Variants in KCNS3 observed in about 807,000 individuals in gnomAD.
KCNS3 encodes the protein delayed-rectifier potassium channel regulatory subunit KCNS3.
Under a neutral mutation model 31.0 loss-of-function variants are expected in KCNS3, and 13 were observed. The ratio of observed to expected loss-of-function variants is 0.42; its 90% CI spans 0.27 to 0.67. KCNS3 has a LOEUF of 0.67. KCNS3 is among the 30% of genes least tolerant of loss of function. KCNS3 has a pLI of 0.25. For missense variants in KCNS3, 545 were observed against 622.4 expected, an observed-to-expected ratio of 0.88 and a Z score of 1.32; for synonymous variants, 238 against 241.5, an observed-to-expected ratio of 0.99 and a Z score of 0.13.
intron 2 of KCNS3, among the ~76,000 whole-genome samples, chr2:17,921,667 G>A (rs1175745397): frequency 6.6e-6 from 1 of 151,878 alleles, no homozygotes; most frequent in Non-Finnish European, 1.5e-5. Context: ...CCATAGTGAA[G>A]CAGGAGAGCG....
At chr2:17,896,601 T>TGGCCA (rs1364476333) in intron 1 of KCNS3, among the ~76,000 whole-genome samples, 8 of 152,180 alleles carry the variant, frequency 5.3e-5, no homozygotes, top group Non-Finnish European at 1.0e-4. Context: ...CATGTCTGTT[T>TGGCCA]CATCTTCCTG....
chr2:17,881,947 T>C (rs1284088563), intron 1 of KCNS3, among the ~76,000 whole-genome samples: 1 of 152,200 alleles, frequency 6.6e-6, no homozygotes, highest in Admixed American at 6.5e-5. Context: ...AAAAGGAAGA[T>C]AAACCATAAA....
intron 1 of KCNS3, among the ~76,000 whole-genome samples, chr2:17,900,488 A>C (rs1158672386): frequency 6.6e-6 from 1 of 151,808 alleles, no homozygotes; most frequent in East Asian, 1.9e-4. Context: ...GGAGATTTTC[A>C]TTAATTTTAT....
chr2:17,890,125 A>C (rs561410178), intron 1 of KCNS3, among the ~76,000 whole-genome samples: 2 of 152,232 alleles, frequency 1.3e-5, no homozygotes, highest in South Asian at 4.1e-4. Flanking sequence ...TGTTCAGGGT[A>C]GCTAATTCTT....
intron 1 of KCNS3, among the ~76,000 whole-genome samples, chr2:17,904,085 G>C (rs1443146944): frequency 6.6e-6 from 1 of 152,154 alleles, no homozygotes; most frequent in African/African-American, 2.4e-5. Flanking sequence ...CAGTGTAAAA[G>C]TGTTCCTATT....
chr2:17,920,341 C>T lies in KCNS3; in HGVS notation c.-60+2470C>T, dbSNP rs532853108. 8.3e-4 allele frequency among the ~76,000 whole-genome samples: 126 copies of T among 152,286 alleles called. 1 individual carries two copies. The highest frequency in any genetic ancestry group is 3.0e-3 in the African/African-American group (125 of 41,560). On this transcript the variant is annotated intron_variant, in intron 2 of 2. Transcript: ENST00000304101. ...AAGCAGGTGCATTATCAGAGACAGC[C>T]ATGAGCTTGTGTATATGTGTATGAG...
chr2:17,930,198 G>A (rs79149614), intron 2 of KCNS3, among the ~76,000 whole-genome samples: 9,922 of 152,160 alleles, frequency 0.065, 366 homozygotes, highest in East Asian at 0.12. Flanking sequence ...GGAGTGGAGC[G>A]GGTTTGTGTC....
At chr2:17,879,042 T>G (rs1474876072) in intron 1 of KCNS3, among the ~76,000 whole-genome samples, 1 of 152,194 alleles carries the variant, frequency 6.6e-6, no homozygotes, top group African/African-American at 2.4e-5. Flanking sequence ...GCCCTAAGGC[T>G]CCGCCTGTTG....
Position 17,915,796 on chromosome 2 carries a change from CAAG to C in KCNS3, c.-251-1882_-251-1880del, listed in dbSNP as rs1662575815. Reference sequence around the variant, plus strand: ...GGTGCTAATTTACATAAATTCATAACAAGAGATATTGTCTGGTATTACATCTTG... The same window carrying C: ...GGTGCTAATTTACATAAATTCATAACAGATATTGTCTGGTATTACATCTTG... On this transcript the variant is annotated intron_variant, in intron 1 of 2. Coordinates refer to ENST00000304101, the MANE Select transcript of KCNS3 (RefSeq NM_002252.5). 2.6e-5 allele frequency among the ~76,000 whole-genome samples: 4 copies of C among 152,186 alleles called. No homozygotes were observed. The South Asian group carries it at 8.3e-4, about 32-fold the overall frequency.
chr2:17,904,763 T>C (rs1662275650), intron 1 of KCNS3, among the ~76,000 whole-genome samples: 1 of 152,214 alleles, frequency 6.6e-6, no homozygotes, highest in South Asian at 2.1e-4. Flanking sequence ...AAAGATCAGA[T>C]GGTCGTAGAT....
intron 1 of KCNS3, among the ~76,000 whole-genome samples, chr2:17,900,613 C>T (rs539877992): frequency 6.6e-6 from 1 of 152,230 alleles, no homozygotes; most frequent in East Asian, 1.9e-4. Context: ...CCTTAGCCTC[C>T]TGAATAGCTG....
intron 1 of KCNS3, among the ~76,000 whole-genome samples, chr2:17,884,268 A>AAAAAT (rs1459540269): frequency 1.4e-3 from 67 of 46,668 alleles, no homozygotes; most frequent in African/African-American, 2.7e-3. Context: ...AAAAAAAAAA[A>AAAAAT]ATATATATAT....
At chr2:17,882,568 G>A (rs1164822553) in intron 1 of KCNS3, among the ~76,000 whole-genome samples, 2 of 152,136 alleles carry the variant, frequency 1.3e-5, no homozygotes, top group Non-Finnish European at 1.5e-5. Context: ...ATTTCATCCT[G>A]GACCTGGCCT....
chr2:17,930,762 GT>G (rs1019154871), intron 2 of KCNS3, among the ~76,000 whole-genome samples, 187 bp from the exon 3 acceptor site: 3 of 152,078 alleles, frequency 2.0e-5, no homozygotes, highest in Non-Finnish European at 4.4e-5. Flanking sequence ...AAAATCCTAA[GT>G]TTTTTTGGGA....
intron 1 of KCNS3, among the ~76,000 whole-genome samples, chr2:17,887,811 G>C (rs1368204129): frequency 6.6e-6 from 1 of 151,912 alleles, no homozygotes; most frequent in Non-Finnish European, 1.5e-5. Flanking sequence ...AGTGTCCCCT[G>C]TTCACCACAT....
At chr2:17,885,550 TC>T (rs1661635661) in intron 1 of KCNS3, among the ~76,000 whole-genome samples, 1 of 152,174 alleles carries the variant, frequency 6.6e-6, no homozygotes, top group Non-Finnish European at 1.5e-5. Context: ...GAGCCAACAC[TC>T]CACTTCAAGT....
chr2:17,898,449 G>T (rs922602218), intron 1 of KCNS3, among the ~76,000 whole-genome samples: 5 of 152,058 alleles, frequency 3.3e-5, no homozygotes, highest in African/African-American at 1.2e-4. Flanking sequence ...CAACTTTCAG[G>T]TTCCTCAGAA....
intron 2 of KCNS3, among the ~76,000 whole-genome samples, chr2:17,918,217 G>A (rs1216057737): frequency 6.6e-6 from 1 of 152,234 alleles, no homozygotes; most frequent in Non-Finnish European, 1.5e-5. Flanking sequence ...GGCTTAAAAT[G>A]TGTGTTGTGG....
chr2:17,917,884 A>G lies in KCNS3; in HGVS notation c.-60+13A>G, dbSNP rs1662626822. 6.5e-6 allele frequency: 1 copy of G among 152,684 alleles called. No individual in the cohort carries two copies. The highest frequency in any genetic ancestry group is 2.1e-4 in the South Asian group (1 of 4,836). 9.5% of individuals were successfully genotyped at this position (152,684 alleles called of 1,614,324 possible). Reference sequence around the variant, plus strand: ...CTCCACCTCAAGGGTAAGAGTTGCCATTCTATCTTATTTTCTCAAGCACCC... The same window carrying G: ...CTCCACCTCAAGGGTAAGAGTTGCCGTTCTATCTTATTTTCTCAAGCACCC... On this transcript the variant is annotated intron_variant, in intron 2 of 2. Transcript: ENST00000304101.
Sources: allele counts gnomAD v4.1 joint callset (sites outside exome capture counted in the v4.1 genomes callset), GRCh38; gene constraint gnomAD v4.1.1; transcripts MANE v1.5; gene names NCBI Gene and HGNC (gene_info 2026-07-23, HGNC 2026-07-21).